The following PLA2R1 variants were observed in gnomAD, a reference collection of about 807,000 sequenced individuals.
The protein encoded by PLA2R1 is phospholipase A2 receptor 1, also known as secretory phospholipase A2 receptor.
PLA2R1 carries 158 observed loss-of-function variants against 195.9 expected under a neutral mutation model. The ratio of observed to expected loss-of-function variants is 0.81; its 90% CI spans 0.71 to 0.92. The LOEUF is 0.92. Ranked by LOEUF, PLA2R1 falls within the 40% of genes least tolerant of loss-of-function variation. PLA2R1 has a pLI of 0.00. For synonymous variants in PLA2R1, 586 were observed against 598.2 expected (o/e 0.98, Z 0.30); for missense variants, 1,626 against 1,764.6 (o/e 0.92, Z 1.41).
chr2:160,016,525 G>T lies in PLA2R1; in HGVS notation c.1551+89C>A, dbSNP rs181432085. ...TGAAAGAGAGGAGAGAGAGAGAGGA[G>T]AAAGAGAAATTCACTTCAAATTGAT... On this transcript the variant is annotated intron_variant, in intron 9 of 29. Transcript: ENST00000283243. 9.1e-4 allele frequency: 653 copies of T among 716,602 alleles called. 10 individuals carry two copies. The East Asian group carries it at 0.011, about 12-fold the overall frequency. 44.4% of individuals were successfully genotyped at this position (716,602 alleles called of 1,614,324 possible).
chr2:160,060,375 G>A (rs1695873724), intron 1 of PLA2R1, among the ~76,000 whole-genome samples: 1 of 152,176 alleles, frequency 6.6e-6, no homozygotes, highest in African/African-American at 2.4e-5. Flanking sequence ...TCTTTTCAAT[G>A]TTAAGATTTT....
intron 20 of PLA2R1, among the ~76,000 whole-genome samples, chr2:159,959,262 T>C (rs189378609): frequency 3.3e-5 from 5 of 152,192 alleles, no homozygotes; most frequent in Non-Finnish European, 5.9e-5. Context: ...CATTCATAAA[T>C]ACCAATGAAC....
rs1483218872 is a variant in PLA2R1 at position 159,970,893 on chromosome 2, G to A, written c.2596-681C>T. On this transcript the variant is annotated intron_variant, in intron 17 of 29. Transcript: ENST00000283243. ...CGCATGTTCTCACTCATAAGTGGGAGCTGAACAATGAGAACACATGGACAC... is the reference window on the plus strand; with the variant it reads ...CGCATGTTCTCACTCATAAGTGGGAACTGAACAATGAGAACACATGGACAC... Among the ~76,000 whole-genome samples, 5 of 142,622 alleles carry A rather than the reference G, an allele frequency of 3.5e-5. No homozygotes were observed. In the East Asian group the frequency reaches 6.5e-4, roughly 19 times the overall value. The allele number at this position is 142,622 out of a possible 152,430, so 93.6% of individuals were successfully genotyped here.
At chr2:159,959,078 C>T (rs1416687207) in intron 20 of PLA2R1, among the ~76,000 whole-genome samples, 1 of 152,190 alleles carries the variant, frequency 6.6e-6, no homozygotes, top group Non-Finnish European at 1.5e-5. Flanking sequence ...CACAAATAAA[C>T]TGAATTGGCT....
chr2:160,056,843 C>T (rs1031545611), intron 1 of PLA2R1, among the ~76,000 whole-genome samples: 1 of 152,140 alleles, frequency 6.6e-6, no homozygotes, highest in Non-Finnish European at 1.5e-5. Flanking sequence ...TCAGCAGTAC[C>T]CAATTCACTC....
intron 17 of PLA2R1, 125 bp from the exon 18 acceptor site, chr2:159,970,337 A>AC (rs1191925042): frequency 1.9e-6 from 1 of 539,932 alleles, no homozygotes; most frequent in Non-Finnish European, 3.2e-6. Flanking sequence ...AAGGAAGAAT[A>AC]CACTAAGGCC....
At chr2:159,975,942 T>C in intron 17 of PLA2R1, 126 bp downstream of exon 17, 3 of 754,182 alleles carry the variant, frequency 4.0e-6, no homozygotes, top group South Asian at 1.6e-5. Flanking sequence ...TACTGAAATC[T>C]ATGGCTTTTA....
chr2:159,978,134 A>G (rs991046118), intron 14 of PLA2R1, among the ~76,000 whole-genome samples: 6 of 152,060 alleles, frequency 3.9e-5, no homozygotes, highest in Admixed American at 3.9e-4. Flanking sequence ...TACTTTGAAC[A>G]TATGCTAAGT....
chr2:160,020,907 G>A (rs890849062), intron 7 of PLA2R1, among the ~76,000 whole-genome samples: 3 of 152,184 alleles, frequency 2.0e-5, no homozygotes, highest in Admixed American at 6.5e-5. Flanking sequence ...CAGAATGTGA[G>A]CTAAAGCCAA....
chr2:159,935,945 A>ATTTTTTTTTTTTTTTTTT lies in PLA2R1; in HGVS notation c.*5815_*5832dup, dbSNP rs56240008. 81 of 107,212 alleles carry ATTTTTTTTTTTTTTTTTT rather than the reference A, an allele frequency of 7.6e-4. 4 individuals are homozygous for ATTTTTTTTTTTTTTTTTT. Among genetic ancestry groups the ATTTTTTTTTTTTTTTTTT allele is most frequent in the African/African-American group, 1.3e-3 (37 of 27,872 alleles). 6.6% of individuals were successfully genotyped at this position (107,212 alleles called of 1,614,324 possible). On this transcript the variant is annotated 3_prime_UTR_variant, in exon 30 of 30. Transcript: ENST00000283243. Reference sequence around the variant, plus strand: ...GCAGTAAAAATATGTATATAAATTAATTTTTTTTTTTTTTTTTTTTTTTTG... The same window carrying ATTTTTTTTTTTTTTTTTT: ...GCAGTAAAAATATGTATATAAATTAATTTTTTTTTTTTTTTTTTTTTTTTTTTTTTTTTTTTTTTTTTG...
At chr2:160,000,908 A>G (rs762267731) in intron 11 of PLA2R1, among the ~76,000 whole-genome samples, 1 of 152,106 alleles carries the variant, frequency 6.6e-6, no homozygotes, top group Non-Finnish European at 1.5e-5. Context: ...ATTAACAAAC[A>G]TGGAGGAGAG....
At chr2:160,042,589 T>C (rs1303907339) in intron 2 of PLA2R1, among the ~76,000 whole-genome samples, 1 of 152,168 alleles carries the variant, frequency 6.6e-6, no homozygotes, top group Non-Finnish European at 1.5e-5. Context: ...TATTAATTTA[T>C]TCATTCAATA....
At chr2:159,992,851 G>A (rs1008436237) in intron 11 of PLA2R1, among the ~76,000 whole-genome samples, 12 of 152,070 alleles carry the variant, frequency 7.9e-5, no homozygotes, top group African/African-American at 2.7e-4. Flanking sequence ...CCATGGGTTT[G>A]GAACAATTGG....
chr2:160,060,049 C>T (rs1695847464), intron 1 of PLA2R1, among the ~76,000 whole-genome samples: 1 of 152,160 alleles, frequency 6.6e-6, no homozygotes, highest in South Asian at 2.1e-4. Flanking sequence ...CATCATCTGC[C>T]TCCCAAGGCT....
At chr2:159,956,865 G>A (rs1334916226) in intron 20 of PLA2R1, among the ~76,000 whole-genome samples, 2 of 151,662 alleles carry the variant, frequency 1.3e-5, no homozygotes, top group Non-Finnish European at 2.9e-5. Flanking sequence ...GCAGGGATGC[G>A]TTTTGTCTTG....
intron 14 of PLA2R1, among the ~76,000 whole-genome samples, chr2:159,977,923 C>A (rs900389342): frequency 8.6e-5 from 13 of 151,758 alleles, no homozygotes; most frequent in African/African-American, 3.1e-4. Flanking sequence ...GAGCAAGACT[C>A]TGTCTCAAAA....
rs1390196965 is a variant in PLA2R1, at chr2:159,976,174, G to A, written c.2489C>T (p.Ala830Val). Reference protein sequence around the residue: ...QDAEYLFHTFASEWLNFEFVC... With the variant: ...QDAEYLFHTFVSEWLNFEFVC... ...AAACTCAAAGTTCAACCATTCTGAG[G>A]CAAAGGTATGAAAAAGGTATTCTGC... Residue 830 changes from alanine (A) to valine (V), a missense_variant, in exon 17 of 30, where the codon GCC becomes GTC. Physicochemically the swap from Ala to Val is moderately conservative, Grantham distance 64. Coordinates refer to ENST00000283243, the MANE Select transcript of PLA2R1 (RefSeq NM_007366.5). 6.2e-7 allele frequency: 1 copy of A among 1,610,596 alleles called. No individual in the cohort carries two copies. Among genetic ancestry groups the A allele is most frequent in the South Asian group, 1.1e-5 (1 of 90,906 alleles).
At chr2:160,035,929 C>A (rs1341046130) in intron 3 of PLA2R1, among the ~76,000 whole-genome samples, 1 of 152,196 alleles carries the variant, frequency 6.6e-6, no homozygotes. Flanking sequence ...CAGCACTTGG[C>A]AGGCTGAGTT....
In PLA2R1 at chr2:160,005,777, T is replaced by C. The variant is rs1374751576; in HGVS notation, c.1709A>G (p.Lys570Arg). 1 of 1,613,088 alleles carries C rather than the reference T, an allele frequency of 6.2e-7. No homozygotes were observed. ...FITSLISSVVKMKDSYFWIAL... is the reference protein window; with the variant it reads ...FITSLISSVVRMKDSYFWIAL... The stretch of plus-strand genomic sequence containing the variant: ...TATCCAAAAATAACTGTCCTTCATT[T>C]TTACCACACTACTGATCAAACTGGT... The change falls in exon 11 of 30, where the codon AAA becomes AGA. Residue 570 changes from lysine (K) to arginine (R), a missense_variant. Coordinates refer to ENST00000283243, the MANE Select transcript of PLA2R1 (RefSeq NM_007366.5).
Sources: allele counts gnomAD v4.1 joint callset (sites outside exome capture counted in the v4.1 genomes callset), GRCh38; gene constraint gnomAD v4.1.1; transcripts MANE v1.5; gene names NCBI Gene and HGNC (gene_info 2026-07-23, HGNC 2026-07-21).